Variants in DLGAP1 observed in about 807,000 individuals in gnomAD.
The protein encoded by DLGAP1 is DLG associated protein 1.
Under a neutral mutation model 90.8 loss-of-function variants are expected in DLGAP1, and 11 were observed. That is an observed-to-expected ratio of 0.12 (90% CI 0.08 to 0.20). The LOEUF (loss-of-function observed/expected upper bound fraction) is 0.20. DLGAP1 is among the 10% of genes least tolerant of loss of function. The pLI is 1.00. For synonymous variants in DLGAP1, 558 were observed against 540.7 expected, an observed-to-expected ratio of 1.03 and a Z score of -0.44; for missense variants, 1,050 against 1,333.8, an observed-to-expected ratio of 0.79 and a Z score of 3.31.
chr18:3,515,636 C>T (rs536115104), intron 10 of DLGAP1, among the ~76,000 whole-genome samples: 8 of 151,456 alleles, frequency 5.3e-5, no homozygotes, highest in Admixed American at 3.3e-4. Flanking sequence ...AAAAATTAGT[C>T]GGCCTGGTGG....
chr18:3,638,497 C>T (rs1034762720), intron 7 of DLGAP1, among the ~76,000 whole-genome samples: 1 of 152,094 alleles, frequency 6.6e-6, no homozygotes, highest in African/African-American at 2.4e-5. Context: ...GTGATCCTCC[C>T]ACCTCAGCCT....
At chr18:3,702,599 C>T (rs914375413) in intron 7 of DLGAP1, among the ~76,000 whole-genome samples, 1 of 152,132 alleles carries the variant, frequency 6.6e-6, no homozygotes, top group African/African-American at 2.4e-5. Flanking sequence ...GGGAGCGAGG[C>T]AGGCTATGGG....
chr18:4,398,086 C>G (rs897647269), intron 1 of DLGAP1, among the ~76,000 whole-genome samples: 7 of 151,874 alleles, frequency 4.6e-5, no homozygotes, highest in Non-Finnish European at 8.8e-5. Flanking sequence ...TTAGAAATAC[C>G]AATGTATATC....
chr18:4,155,140 G>A (rs1441847887), intron 1 of DLGAP1, among the ~76,000 whole-genome samples: 1 of 152,032 alleles, frequency 6.6e-6, no homozygotes, highest in African/African-American at 2.4e-5. Context: ...CCAGAGAAGG[G>A]TGTTCCAGGC....
At chr18:3,718,887 C>G (rs1289365642) in intron 7 of DLGAP1, among the ~76,000 whole-genome samples, 1 of 143,146 alleles carries the variant, frequency 7.0e-6, no homozygotes. Flanking sequence ...GATTGCGCCA[C>G]TGCACTCCAG....
At chr18:3,749,057 G>C (rs1156747542) in intron 5 of DLGAP1, among the ~76,000 whole-genome samples, 3 of 151,686 alleles carry the variant, frequency 2.0e-5, no homozygotes, top group Non-Finnish European at 4.4e-5. Flanking sequence ...AATTCCAATG[G>C]AAACTTGGCC....
chr18:4,057,874 C>T (rs1466001461), intron 2 of DLGAP1, among the ~76,000 whole-genome samples: 1 of 152,162 alleles, frequency 6.6e-6, no homozygotes, highest in Non-Finnish European at 1.5e-5. Context: ...ACATGATTTT[C>T]TCCTCCCCTT....
At chr18:3,846,043 G>GGTGTGGT (rs2068991608) in intron 4 of DLGAP1, among the ~76,000 whole-genome samples, 1 of 145,024 alleles carries the variant, frequency 6.9e-6, no homozygotes, top group African/African-American at 2.6e-5. Flanking sequence ...TTGAAAGTGT[G>GGTGTGGT]GTGTGTGTGT....
intron 1 of DLGAP1, among the ~76,000 whole-genome samples, chr18:4,395,387 G>C (rs2082418945): frequency 6.6e-6 from 1 of 152,042 alleles, no homozygotes; most frequent in Admixed American, 6.6e-5. Flanking sequence ...CAAATAGGGG[G>C]TATAAAGTAA....
intron 1 of DLGAP1, among the ~76,000 whole-genome samples, chr18:4,171,214 T>G (rs997923284): frequency 2.6e-5 from 4 of 152,132 alleles, no homozygotes; most frequent in African/African-American, 9.7e-5. Context: ...GCAAGCCAAA[T>G]GCATAAGGCC....
At chr18:3,525,322 T>C (rs1391619381) in intron 10 of DLGAP1, among the ~76,000 whole-genome samples, 8 of 152,206 alleles carry the variant, frequency 5.3e-5, no homozygotes, top group Non-Finnish European at 1.0e-4. Flanking sequence ...TGAAATGAAA[T>C]TAGTTTCTAT....
chr18:3,797,523 A>G (rs1357327829), intron 5 of DLGAP1, among the ~76,000 whole-genome samples: 1 of 152,290 alleles, frequency 6.6e-6, no homozygotes, highest in East Asian at 1.9e-4. Context: ...GTATTTTGTT[A>G]TAGCAGCCTG....
intron 7 of DLGAP1, among the ~76,000 whole-genome samples, chr18:3,654,237 A>T (rs1267244641): frequency 6.6e-6 from 1 of 152,142 alleles, no homozygotes; most frequent in Non-Finnish European, 1.5e-5. Context: ...AGGCTGAGTG[A>T]TGAGGAAGGT....
intron 2 of DLGAP1, among the ~76,000 whole-genome samples, chr18:4,019,620 TAGTC>T (rs2074576652): frequency 7.4e-6 from 1 of 134,654 alleles, no homozygotes; most frequent in Non-Finnish European, 1.6e-5. Context: ...TAGCTTAAGA[TAGTC>T]AGGTTGTTTG....
At chr18:3,628,311 T>C (rs1156520496) in intron 7 of DLGAP1, among the ~76,000 whole-genome samples, 1 of 150,858 alleles carries the variant, frequency 6.6e-6, no homozygotes, top group Non-Finnish European at 1.5e-5. Context: ...TATTTCAGCC[T>C]CCCAAGTAGG....
intron 7 of DLGAP1, among the ~76,000 whole-genome samples, chr18:3,674,296 A>AAAAAAAAATAT (rs755076240): frequency 3.1e-5 from 4 of 128,992 alleles, no homozygotes; most frequent in Admixed American, 1.5e-4. Context: ...ATAATATTAA[A>AAAAAAAAATAT]ATATATATAT....
At chr18:4,448,202 T>C (rs1415385618) in intron 1 of DLGAP1, among the ~76,000 whole-genome samples, 1 of 152,170 alleles carries the variant, frequency 6.6e-6, no homozygotes. Flanking sequence ...GAGCCCCTAC[T>C]CCTACAGAAA....
At chr18:3,897,367 T>C (rs1487188498) in intron 3 of DLGAP1, among the ~76,000 whole-genome samples, 1 of 152,224 alleles carries the variant, frequency 6.6e-6, no homozygotes, top group Non-Finnish European at 1.5e-5. Flanking sequence ...TTCTCAGTTA[T>C]CCACAAAAGC....
At chr18:4,094,539 A>G (rs2075641387) in intron 2 of DLGAP1, among the ~76,000 whole-genome samples, 1 of 150,510 alleles carries the variant, frequency 6.6e-6, no homozygotes, top group Non-Finnish European at 1.5e-5. Flanking sequence ...CCTTAAATAA[A>G]TTCAGTTTTT....
Sources: gnomAD v4.1 joint callset for allele counts (sites outside exome capture counted in the v4.1 genomes callset) on GRCh38, gnomAD v4.1.1 for gene constraint, MANE v1.5 for transcripts, NCBI Gene and HGNC (gene_info 2026-07-23, HGNC 2026-07-21) for gene names.